SCML1: variants seen among roughly 807,000 people sequenced by gnomAD.
The protein encoded by SCML1 is sex comb on midleg-like protein 1.
For synonymous variants in SCML1, 104 were observed against 103.6 expected (o/e 1.00, Z -0.02); for missense variants, 137 against 258.1 (o/e 0.53, Z 3.22).
intron 4 of SCML1, among the ~76,000 whole-genome samples, chrX:17,747,849 A>C (rs867910692): frequency 8.9e-6 from 1 of 112,028 alleles, no homozygotes; most frequent in Non-Finnish European, 1.9e-5. Flanking sequence ...GATTCCCTAC[A>C]TGAGGACACT....
intron 4 of SCML1, among the ~76,000 whole-genome samples, chrX:17,748,059 C>T (rs2066659685): frequency 9.0e-6 from 1 of 111,714 alleles, no homozygotes; most frequent in African/African-American, 3.3e-5. Flanking sequence ...TCTCAGAGTT[C>T]CAGGTTCCAT....
chrX:17,738,199 G>A (rs769152175), intron 1 of SCML1, among the ~76,000 whole-genome samples: 3 of 112,353 alleles, frequency 2.7e-5, no homozygotes, highest in African/African-American at 9.7e-5. Context: ...TAGGGTGTTG[G>A]GAGCAGAGGC....
chrX:17,749,472 C>T lies in SCML1; in HGVS notation c.271C>T (p.Arg91Cys). ...TCGTAGAAAGGTTTCAAAAATCCAA[C>T]GTTTCCATGCGAGATCCCTGTGGAC... ...VIRRKVSKIQ[R>C]FHARSLWTNH... The change falls in exon 5 of 8, where the codon CGT (arginine) becomes TGT (cysteine). Residue 91 changes from arginine to cysteine, a missense_variant. Physicochemically the swap from Arg to Cys is radical, Grantham distance 180. Transcript: ENST00000380041. 3.4e-6 allele frequency: 4 copies of T among 1,184,145 alleles called. No homozygotes were observed. The highest frequency in any genetic ancestry group is 2.3e-6 in the Non-Finnish European group (2 of 874,630).
In SCML1 at chrX:17,750,143, T is replaced by C. The variant is rs1343381599; in HGVS notation, c.553T>C (p.Ser185Pro). The C allele has an allele frequency of 1.7e-6, 2 of 1,212,032 alleles. No homozygotes were observed. The highest frequency in any genetic ancestry group is 3.5e-5 in the South Asian group (2 of 57,010). The change falls in exon 6 of 8, where the codon TCA becomes CCA. Residue 185 changes from serine (S) to proline (P), a missense_variant. Physicochemically the swap from Ser to Pro is moderately conservative, Grantham distance 74. Coordinates refer to ENST00000380041, the MANE Select transcript of SCML1 (RefSeq NM_001037540.3). Reference sequence around the variant, plus strand: ...CCGCACTCCGAGTCCAGTGCATCCCTCAGATTTCTCTGAGCATAATTGTCA... The same window carrying C: ...CCGCACTCCGAGTCCAGTGCATCCCCCAGATTTCTCTGAGCATAATTGTCA... ...LSRTPSPVHP[S>P]DFSEHNCQPY...
chrX:17,752,139 G>C (rs762698167), intron 7 of SCML1, among the ~76,000 whole-genome samples, 173 bp downstream of exon 7: 10 of 111,924 alleles, frequency 8.9e-5, no homozygotes, highest in Non-Finnish European at 1.5e-4. Flanking sequence ...CTAATGGTCT[G>C]TTCTTTAAAT....
rs370909167 is a variant in SCML1, at chrX:17,753,236, G to T, written c.856-22G>T. ...AAATATGGAAGCATTATTAATTATC[G>T]TTAAGTTTCTTCTCTCCATAGGAAA... On this transcript the variant is annotated intron_variant, in intron 7 of 7. Transcript: ENST00000380041. The T allele has an allele frequency of 2.5e-5, 28 of 1,099,511 alleles. No individual in the cohort carries two copies. The Admixed American group carries it at 8.8e-4, about 35-fold the overall frequency. The allele number at this position is 1,099,511 out of a possible 1,213,427, so 90.6% of individuals were successfully genotyped here. A position where few individuals can be genotyped will look rare whatever the true frequency, so the allele number is the denominator to read the frequency against.
chrX:17,740,491 C>T (rs1226363385), intron 1 of SCML1, among the ~76,000 whole-genome samples: 1 of 110,127 alleles, frequency 9.1e-6, no homozygotes, highest in Non-Finnish European at 1.9e-5. Context: ...TATTATCATT[C>T]CCATTTTACA....
chrX:17,746,375 C>A (rs1199697090), intron 4 of SCML1, among the ~76,000 whole-genome samples: 6 of 112,161 alleles, frequency 5.3e-5, no homozygotes, highest in African/African-American at 1.9e-4. Context: ...AAATTAGTTT[C>A]CCCTACAAAA....
intron 1 of SCML1, among the ~76,000 whole-genome samples, chrX:17,738,408 C>T (rs1056464877): frequency 8.9e-6 from 1 of 112,155 alleles, no homozygotes; most frequent in African/African-American, 3.2e-5. Flanking sequence ...TAAAAGATAG[C>T]GATTTTCCAA....
intron 5 of SCML1, 150 bp from the exon 6 acceptor site, chrX:17,749,741 TGTA>T: frequency 1.8e-6 from 1 of 550,665 alleles, no homozygotes; most frequent in Non-Finnish European, 2.9e-6. Flanking sequence ...ACAATTAAAA[TGTA>T]GGATTGAAGA....
In SCML1 at chrX:17,750,126, C is replaced by T; in HGVS notation, c.536C>T (p.Pro179Leu). Residue 179 changes from proline (P) to leucine (L), a missense_variant, in exon 6 of 8, where the codon CCG becomes CTG. Pro to Leu is a moderately conservative substitution (Grantham distance 98). Transcript: ENST00000380041. ...GAGGACCCGATCCTCAGCCGCACTC[C>T]GAGTCCAGTGCATCCCTCAGATTTC... Reference protein sequence around the residue: ...LEEDPILSRTPSPVHPSDFSE... With the variant: ...LEEDPILSRTLSPVHPSDFSE... The T allele has an allele frequency of 8.3e-7, 1 of 1,211,831 alleles. No homozygotes were observed. The highest frequency in any genetic ancestry group is 1.1e-6 in the Non-Finnish European group (1 of 895,405).
At chrX:17,740,893 A>G (rs1009598118) in intron 1 of SCML1, among the ~76,000 whole-genome samples, 9 of 112,425 alleles carry the variant, frequency 8.0e-5, no homozygotes, top group Non-Finnish European at 1.7e-4. Flanking sequence ...TATATGTACC[A>G]GAGATGTAAA....
chrX:17,746,791 T>G (rs781261125), intron 4 of SCML1, among the ~76,000 whole-genome samples: 1 of 111,308 alleles, frequency 9.0e-6, no homozygotes, highest in South Asian at 3.8e-4. Context: ...AGGGAGCAGG[T>G]TCTCCCCAGC....
chrX:17,753,146 A>G (rs1328433947), intron 7 of SCML1, 112 bp from the exon 8 acceptor site: 8 of 523,376 alleles, frequency 1.5e-5, no homozygotes, highest in African/African-American at 2.4e-5. Flanking sequence ...GAGAATATAC[A>G]TCTGCAATGA....
intron 1 of SCML1, among the ~76,000 whole-genome samples, chrX:17,740,949 T>TCTAA (rs772124745): frequency 1.8e-5 from 2 of 112,056 alleles, no homozygotes; most frequent in Non-Finnish European, 3.8e-5. Context: ...TGCTCCTGTG[T>TCTAA]CTAACTACAG....
At chrX:17,743,464 T>C (rs2066616296) in intron 1 of SCML1, among the ~76,000 whole-genome samples, 1 of 112,372 alleles carries the variant, frequency 8.9e-6, no homozygotes, top group Non-Finnish European at 1.9e-5. Flanking sequence ...AGTTCCATAG[T>C]AAAGTGACTC....
At position 17,753,815 on chromosome X, in the gene SCML1, G is replaced by A. The variant is rs1226762310; in HGVS notation, c.*423G>A. ...ATTCCTCAGAAGAGAATTTAAAGGT[G>A]TACCCATATATATCTCTTTCTGGAG... On this transcript the variant is annotated 3_prime_UTR_variant, in exon 8 of 8. Transcript: ENST00000380041. 1 of 111,556 alleles carries A rather than the reference G, an allele frequency of 9.0e-6. No homozygotes were observed. Among genetic ancestry groups the A allele is most frequent in the African/African-American group, 3.3e-5 (1 of 30,667 alleles). The allele number at this position is 111,556 out of a possible 1,213,427, so 9.2% of individuals were successfully genotyped here. A position where few individuals can be genotyped will look rare whatever the true frequency, so the allele number is the denominator to read the frequency against.
intron 1 of SCML1, among the ~76,000 whole-genome samples, chrX:17,743,245 T>C (rs1442223032): frequency 8.9e-6 from 1 of 111,809 alleles, no homozygotes; most frequent in Non-Finnish European, 1.9e-5. Context: ...TTTGGGTTCA[T>C]GGTCATTAGT....
chrX:17,751,681 G>C, intron 6 of SCML1, 134 bp from the exon 7 acceptor site: 1 of 646,560 alleles, frequency 1.5e-6, no homozygotes, highest in Middle Eastern at 3.5e-4. Flanking sequence ...TTGGAGTCTT[G>C]ACTCCTTGCT....
Sources: gnomAD v4.1 joint callset for allele counts (sites outside exome capture counted in the v4.1 genomes callset) on GRCh38, gnomAD v4.1.1 for gene constraint, MANE v1.5 for transcripts, NCBI Gene and HGNC (gene_info 2026-07-23, HGNC 2026-07-21) for gene names.